SEMA6D: variants seen among roughly 807,000 people sequenced by gnomAD.
SEMA6D encodes semaphorin 6D.
In SEMA6D, 35 loss-of-function variants were observed where a neutral mutation model predicts 106.6. The observed-to-expected ratio is 0.33, with a 90% CI of 0.25 to 0.44. SEMA6D has a LOEUF of 0.44. Among genes scored for constraint, SEMA6D ranks in the 20% least tolerant of loss-of-function variants. SEMA6D has a pLI of 1.00. For missense variants in SEMA6D, 1,185 were observed against 1,345.9 expected, an observed-to-expected ratio of 0.88 and a Z score of 1.87; for synonymous variants, 499 against 487.7, an observed-to-expected ratio of 1.02 and a Z score of -0.31.
At chr15:47,722,286 G>C (rs2079467540) in intron 1 of SEMA6D, among the ~76,000 whole-genome samples, 1 of 152,130 alleles carries the variant, frequency 6.6e-6, no homozygotes, top group African/African-American at 2.4e-5. Flanking sequence ...TACTTGAAAA[G>C]GGGAAGAAAG....
At chr15:47,440,992 C>T (rs182542948) in intron 2 of SEMA6D, among the ~76,000 whole-genome samples, 70 of 152,188 alleles carry the variant, frequency 4.6e-4, no homozygotes, top group African/African-American at 1.5e-3. Flanking sequence ...GTAACTTGCT[C>T]CTTCTTCCTT....
chr15:47,255,455 A>G (rs546733420), intron 1 of SEMA6D, among the ~76,000 whole-genome samples: 3 of 150,572 alleles, frequency 2.0e-5, no homozygotes, highest in African/African-American at 2.4e-5. Flanking sequence ...GATCTTTGCT[A>G]TTTTTCTCCT....
intron 4 of SEMA6D, among the ~76,000 whole-genome samples, chr15:47,646,122 C>G (rs961130856): frequency 2.0e-5 from 3 of 152,060 alleles, no homozygotes; most frequent in Admixed American, 6.5e-5. Context: ...TCTATCCTCC[C>G]CAGAGGTTGG....
At chr15:47,294,618 G>A (rs1031394246) in intron 1 of SEMA6D, among the ~76,000 whole-genome samples, 1 of 152,150 alleles carries the variant, frequency 6.6e-6, no homozygotes, top group Non-Finnish European at 1.5e-5. Context: ...GGTAGGAAAA[G>A]AATAACTCTT....
chr15:47,630,445 G>T (rs1222912748), intron 4 of SEMA6D, among the ~76,000 whole-genome samples: 1 of 151,682 alleles, frequency 6.6e-6, no homozygotes, highest in Non-Finnish European at 1.5e-5. Flanking sequence ...GATGATTTTT[G>T]TGTCCTGTGA....
chr15:47,517,766 T>C (rs929665560), intron 3 of SEMA6D, among the ~76,000 whole-genome samples: 1 of 152,186 alleles, frequency 6.6e-6, no homozygotes. Flanking sequence ...GTCCTCACTC[T>C]GAACTTTTTA....
chr15:47,315,313 G>T (rs1409160623), intron 1 of SEMA6D, among the ~76,000 whole-genome samples: 1 of 152,148 alleles, frequency 6.6e-6, no homozygotes, highest in Non-Finnish European at 1.5e-5. Context: ...TTTTGCATGT[G>T]GATGTCCAGT....
At chr15:47,314,720 G>T (rs959285202) in intron 1 of SEMA6D, among the ~76,000 whole-genome samples, 1 of 151,554 alleles carries the variant, frequency 6.6e-6, no homozygotes. Flanking sequence ...GCAGTCTCTG[G>T]ACATGGACTT....
At chr15:47,750,143 G>A (rs1479065108) in intron 1 of SEMA6D, among the ~76,000 whole-genome samples, 1 of 152,088 alleles carries the variant, frequency 6.6e-6, no homozygotes, top group African/African-American at 2.4e-5. Flanking sequence ...GAGAAAGGAA[G>A]TGGGAGAGAG....
intron 1 of SEMA6D, among the ~76,000 whole-genome samples, chr15:47,191,046 G>T (rs1298424343): frequency 6.6e-6 from 1 of 151,924 alleles, no homozygotes; most frequent in Non-Finnish European, 1.5e-5. Flanking sequence ...AGTCATACAC[G>T]CCTGTACTCC....
At chr15:47,358,926 G>A (rs1050118873) in intron 1 of SEMA6D, among the ~76,000 whole-genome samples, 1 of 152,200 alleles carries the variant, frequency 6.6e-6, no homozygotes, top group Non-Finnish European at 1.5e-5. Flanking sequence ...GCTGTGAACT[G>A]TGGGCCTTCC....
intron 3 of SEMA6D, among the ~76,000 whole-genome samples, chr15:47,479,220 C>G (rs1170103280): frequency 6.6e-6 from 1 of 151,310 alleles, no homozygotes; most frequent in South Asian, 2.1e-4. Context: ...TTATATGCTC[C>G]TGGGGGACAA....
chr15:47,766,485 AT>A (rs1300486408), intron 15 of SEMA6D, 130 bp from the exon 16 acceptor site: 1 of 723,706 alleles, frequency 1.4e-6, no homozygotes, highest in Non-Finnish European at 2.3e-6. Flanking sequence ...TTATGTTAAA[AT>A]GTTGTTTTTT....
chr15:47,756,954 T>C (rs1465736150), intron 1 of SEMA6D, among the ~76,000 whole-genome samples: 1 of 148,590 alleles, frequency 6.7e-6, no homozygotes, highest in African/African-American at 2.5e-5. Context: ...AAGCAGTTAG[T>C]GGTAGGGCTT....
intron 1 of SEMA6D, among the ~76,000 whole-genome samples, chr15:47,251,985 G>A (rs2033542571): frequency 7.9e-6 from 1 of 127,136 alleles, no homozygotes; most frequent in Non-Finnish European, 1.6e-5. Flanking sequence ...GCGCGATCTC[G>A]GCTCACTGCA....
Position 47,439,412 on chromosome 15 carries a change from T to C in SEMA6D, c.-159+26940T>C, listed in dbSNP as rs115438566. ...GATACTCAAGATTCTATACTTCTGT[T>C]TATATAGTTACTAGAAACAACTGAT... On this transcript the variant is annotated intron_variant, in intron 2 of 19. Transcript: ENST00000558014. 2.9e-3 allele frequency among the ~76,000 whole-genome samples: 447 copies of C among 152,246 alleles called. 1 individual carries two copies. Among genetic ancestry groups the C allele is most frequent in the African/African-American group, 0.01 (430 of 41,558 alleles).
chr15:47,689,705 C>CCACCTTCAGATGCCCTGCCAA (rs1427164659), intron 4 of SEMA6D, among the ~76,000 whole-genome samples: 1 of 152,200 alleles, frequency 6.6e-6, no homozygotes. Flanking sequence ...GGCCCTGCCA[C>CCACCTTCAGATGCCCTGCCAA]CACCTTCAGA....
chr15:47,210,382 T>A (rs967528452), intron 1 of SEMA6D, among the ~76,000 whole-genome samples: 2 of 152,172 alleles, frequency 1.3e-5, no homozygotes, highest in African/African-American at 4.8e-5. Context: ...AGCTGTGATA[T>A]TTTTTAGGAT....
chr15:47,745,196 A>G (rs2081058915), intron 1 of SEMA6D, among the ~76,000 whole-genome samples: 1 of 152,238 alleles, frequency 6.6e-6, no homozygotes, highest in Non-Finnish European at 1.5e-5. Context: ...TTTAGCCTTG[A>G]ACAGGCTTCC....
Sources: gnomAD v4.1 joint callset for allele counts (sites outside exome capture counted in the v4.1 genomes callset) on GRCh38, gnomAD v4.1.1 for gene constraint, MANE v1.5 for transcripts, NCBI Gene and HGNC (gene_info 2026-07-23, HGNC 2026-07-21) for gene names.